Variants in PPP2R2B observed in about 807,000 individuals in gnomAD.
PPP2R2B encodes serine/threonine-protein phosphatase 2A 55 kDa regulatory subunit B beta isoform.
In PPP2R2B, 5 loss-of-function variants were observed where a neutral mutation model predicts 46.0. That is an observed-to-expected ratio of 0.11 (90% CI 0.06 to 0.23). The LOEUF (loss-of-function observed/expected upper bound fraction) is 0.23, where lower values mean the gene tolerates loss of function less well. Ranked by LOEUF, PPP2R2B falls within the 10% of genes least tolerant of loss-of-function variation. The probability of loss-of-function intolerance (pLI) is 1.00; values close to 1 mark genes in which losing one functional copy is unlikely to be tolerated. For synonymous variants in PPP2R2B, 215 were observed against 206.7 expected, an observed-to-expected ratio of 1.04 and a Z score of -0.34; for missense variants, 367 against 575.0, an observed-to-expected ratio of 0.64 and a Z score of 3.70.
At chr5:147,013,145 G>GAGA (rs1754826543) in intron 1 of PPP2R2B, among the ~76,000 whole-genome samples, 1 of 145,466 alleles carries the variant, frequency 6.9e-6, no homozygotes, top group Non-Finnish European at 1.5e-5. Context: ...TTGCTTCAAA[G>GAGA]AGAATAAAAT....
At chr5:146,720,444 G>A (rs917587296) in intron 2 of PPP2R2B, among the ~76,000 whole-genome samples, 1 of 152,292 alleles carries the variant, frequency 6.6e-6, no homozygotes, top group Middle Eastern at 3.4e-3. Context: ...ACAAAGGATA[G>A]GGGTGCTATA....
At chr5:146,802,689 G>A (rs1371306719) in intron 2 of PPP2R2B, among the ~76,000 whole-genome samples, 1 of 152,170 alleles carries the variant, frequency 6.6e-6, no homozygotes, top group Non-Finnish European at 1.5e-5. Flanking sequence ...GTAGGGTTTT[G>A]TCAGCAGGTT....
At chr5:146,935,472 G>T (rs914475561) in intron 1 of PPP2R2B, among the ~76,000 whole-genome samples, 1 of 152,148 alleles carries the variant, frequency 6.6e-6, no homozygotes, top group African/African-American at 2.4e-5. Flanking sequence ...GTCTAATGAA[G>T]GACACAGACA....
chr5:146,705,545 C>T (rs949479553), intron 2 of PPP2R2B, among the ~76,000 whole-genome samples: 5 of 152,144 alleles, frequency 3.3e-5, no homozygotes, highest in Non-Finnish European at 5.9e-5. Flanking sequence ...ATTAAACAAA[C>T]GGGATTCTTA....
intron 2 of PPP2R2B, among the ~76,000 whole-genome samples, chr5:147,063,079 A>T (rs1444916987): frequency 7.2e-6 from 1 of 139,432 alleles, no homozygotes; most frequent in Non-Finnish European, 1.5e-5. Flanking sequence ...AGGGAAAGGA[A>T]GGGAAGGGAA....
rs1770104495 is a variant in PPP2R2B at position 146,585,467 on chromosome 5, A to C, written c.*4480T>G. 6.6e-6 allele frequency: 1 copy of C among 152,230 alleles called. No homozygotes were observed. The highest frequency in any genetic ancestry group is 2.4e-5 in the African/African-American group (1 of 41,462). The allele number at this position is 152,230 out of a possible 1,614,324, so 9.4% of individuals were successfully genotyped here. On this transcript the variant is annotated 3_prime_UTR_variant, in exon 10 of 10. Coordinates refer to ENST00000394411, the MANE Select transcript of PPP2R2B (RefSeq NM_181675.4). Reference sequence around the variant, plus strand: ...GTTTTAGGGGTAAATAAGTCAATACATGTGAAATTTGTAGAACAAAGCCTG... The same window carrying C: ...GTTTTAGGGGTAAATAAGTCAATACCTGTGAAATTTGTAGAACAAAGCCTG...
chr5:146,858,818 C>T (rs751738150), intron 2 of PPP2R2B, among the ~76,000 whole-genome samples: 2 of 152,120 alleles, frequency 1.3e-5, no homozygotes, highest in Non-Finnish European at 2.9e-5. Flanking sequence ...AGGCTTGCAC[C>T]ACTGTCCAGG....
At chr5:147,041,973 C>T (rs182024244) in intron 1 of PPP2R2B, among the ~76,000 whole-genome samples, 5 of 152,158 alleles carry the variant, frequency 3.3e-5, no homozygotes, top group African/African-American at 1.2e-4. Context: ...CTGGCAGCCC[C>T]TTCCTCAAGG....
At chr5:146,636,070 G>T (rs570603812) in intron 7 of PPP2R2B, among the ~76,000 whole-genome samples, 4 of 152,182 alleles carry the variant, frequency 2.6e-5, no homozygotes, top group East Asian at 3.9e-4. Context: ...AATTATCCTT[G>T]CATTGAGACT....
rs771160580 is a variant in PPP2R2B, at chr5:146,878,212, G to A, written c.-124-17C>T. On this transcript the variant is annotated splice_polypyrimidine_tract_variant and intron_variant, in intron 1 of 9. Coordinates refer to ENST00000394411, the MANE Select transcript of PPP2R2B (RefSeq NM_181675.4). This position sits in a 1 kb window ranked among gnomAD's most constrained non-coding sequence, Gnocchi z 4.5. ...GGTCCGAGCCTGAGGAGGAGACGGG[G>A]AGGCGGAGAGAAAAAAAATAAAAAC... is the stretch of plus-strand genomic sequence containing the variant. The A allele has an allele frequency of 6.5e-7, 1 of 1,546,814 alleles. No homozygotes were observed. The highest frequency in any genetic ancestry group is 8.7e-7 in the Non-Finnish European group (1 of 1,146,498).
chr5:146,659,747 G>T (rs907010428), intron 5 of PPP2R2B, among the ~76,000 whole-genome samples: 22 of 152,144 alleles, frequency 1.4e-4, no homozygotes, highest in Non-Finnish European at 5.9e-5. Context: ...TTTGCCCAAG[G>T]TCATATTGTT....
At chr5:146,857,754 C>A (rs1235360996) in intron 2 of PPP2R2B, among the ~76,000 whole-genome samples, 1 of 151,218 alleles carries the variant, frequency 6.6e-6, no homozygotes, top group African/African-American at 2.4e-5. Flanking sequence ...ATGGCACGAT[C>A]TCGGCTCATT....
At chr5:146,655,344 C>A (rs991697619) in intron 5 of PPP2R2B, among the ~76,000 whole-genome samples, 1 of 152,178 alleles carries the variant, frequency 6.6e-6, no homozygotes, top group Non-Finnish European at 1.5e-5. Flanking sequence ...GCTCTTCCCC[C>A]CCAGAGAGTG....
intron 2 of PPP2R2B, among the ~76,000 whole-genome samples, chr5:146,777,786 T>C (rs953655891): frequency 6.6e-6 from 1 of 152,206 alleles, no homozygotes; most frequent in Non-Finnish European, 1.5e-5. Context: ...AACTTAAACA[T>C]ATTTTTGGCC....
intron 2 of PPP2R2B, among the ~76,000 whole-genome samples, chr5:146,765,685 C>T (rs968462844): frequency 2.0e-5 from 3 of 152,222 alleles, no homozygotes; most frequent in Admixed American, 6.5e-5. Flanking sequence ...ACACACATTA[C>T]ATTTAGAACT....
At chr5:146,904,236 A>C (rs1762929574) in intron 1 of PPP2R2B, among the ~76,000 whole-genome samples, 1 of 152,210 alleles carries the variant, frequency 6.6e-6, no homozygotes, top group Non-Finnish European at 1.5e-5. Context: ...TTTGAAGATC[A>C]AAATCTTGCC....
At chr5:146,601,038 A>C (rs1276719326) in intron 7 of PPP2R2B, among the ~76,000 whole-genome samples, 1 of 152,192 alleles carries the variant, frequency 6.6e-6, no homozygotes, top group Non-Finnish European at 1.5e-5. Context: ...GAATCATAGA[A>C]TATATGGTCA....
At chr5:146,831,390 G>A (rs775531876) in intron 2 of PPP2R2B, among the ~76,000 whole-genome samples, 63 of 150,592 alleles carry the variant, frequency 4.2e-4, no homozygotes, top group Non-Finnish European at 7.2e-4. Flanking sequence ...CCAGCTACTC[G>A]GGAGGCTGAG....
intron 2 of PPP2R2B, 184 bp from the exon 3 acceptor site, chr5:146,701,326 A>C: frequency 4.0e-6 from 3 of 741,722 alleles, no homozygotes; most frequent in Non-Finnish European, 7.4e-6. Flanking sequence ...TAAATTTCCT[A>C]GATGCCCACA....
Sources: allele counts gnomAD v4.1 joint callset (sites outside exome capture counted in the v4.1 genomes callset), GRCh38; gene constraint gnomAD v4.1.1; non-coding constraint Gnocchi (gnomAD v3.1); transcripts MANE v1.5; gene names NCBI Gene and HGNC (gene_info 2026-07-23, HGNC 2026-07-21).